Variants in GPC5 observed in about 807,000 individuals in gnomAD.
GPC5 encodes the protein glypican-5.
A neutral mutation model predicts 53.9 loss-of-function variants in GPC5; 47 were observed. The ratio of observed to expected loss-of-function variants is 0.87; its 90% confidence interval spans 0.69 to 1.11. The LOEUF (loss-of-function observed/expected upper bound fraction) is 1.11. Ranked by LOEUF, GPC5 falls within the 50% of genes most tolerant of loss-of-function variation. GPC5 has a pLI of 0.00. For missense variants in GPC5, 748 were observed against 713.1 expected (o/e 1.05, Z -0.56); for synonymous variants, 286 against 263.3 (o/e 1.09, Z -0.84).
intron 2 of GPC5, among the ~76,000 whole-genome samples, chr13:91,548,295 A>G (rs2030417250): frequency 6.6e-6 from 1 of 152,172 alleles, no homozygotes; most frequent in South Asian, 2.1e-4. Context: ...AACATACAAA[A>G]CTTAATTGCT....
chr13:91,399,392 T>G (rs1876749960), intron 1 of GPC5, among the ~76,000 whole-genome samples, 183 bp downstream of exon 1: 1 of 152,128 alleles, frequency 6.6e-6, no homozygotes, highest in Non-Finnish European at 1.5e-5. Flanking sequence ...GCAGCGCAGC[T>G]CTGGGGACCC....
chr13:92,853,977 G>A (rs1457413662), intron 7 of GPC5, among the ~76,000 whole-genome samples: 2 of 148,460 alleles, frequency 1.3e-5, no homozygotes, highest in Admixed American at 6.8e-5. Context: ...CTTCTTTTAA[G>A]ACCATAGATG....
intron 7 of GPC5, among the ~76,000 whole-genome samples, chr13:92,834,598 CAA>C (rs1445197516): frequency 3.9e-5 from 6 of 152,246 alleles, no homozygotes; most frequent in East Asian, 1.9e-4. Flanking sequence ...CACAGGTTGA[CAA>C]AGAGTGTGGC....
chr13:92,419,329 G>GCAAGT (rs1345753754), intron 7 of GPC5, among the ~76,000 whole-genome samples: 1 of 152,040 alleles, frequency 6.6e-6, no homozygotes, highest in African/African-American at 2.4e-5. Flanking sequence ...TCTGGTCATA[G>GCAAGT]CAAGTGATTT....
chr13:91,607,072 TG>T (rs1418789014), intron 2 of GPC5, among the ~76,000 whole-genome samples: 2 of 152,196 alleles, frequency 1.3e-5, no homozygotes, highest in Non-Finnish European at 1.5e-5. Context: ...GGATCTTTCC[TG>T]CTTTCTCTTG....
intron 6 of GPC5, among the ~76,000 whole-genome samples, chr13:92,048,277 T>TTATG (rs4031451): frequency 0.44 from 66,467 of 150,914 alleles, 14,963 homozygotes; most frequent in Admixed American, 0.52. Flanking sequence ...GTAACATATA[T>TTATG]TATATGTAAT....
At chr13:92,279,122 C>A (rs536083705) in intron 7 of GPC5, among the ~76,000 whole-genome samples, 1 of 152,074 alleles carries the variant, frequency 6.6e-6, no homozygotes, top group African/African-American at 2.4e-5. Flanking sequence ...AAGTTTTGTT[C>A]TATTAACAAT....
chr13:92,839,814 T>C (rs182738296), intron 7 of GPC5, among the ~76,000 whole-genome samples: 224 of 152,050 alleles, frequency 1.5e-3, no homozygotes, highest in African/African-American at 5.2e-3. Context: ...ATTACCAATG[T>C]ATTCCTTTTT....
chr13:92,380,067 G>A (rs759551917), intron 7 of GPC5, among the ~76,000 whole-genome samples: 1 of 152,158 alleles, frequency 6.6e-6, no homozygotes, highest in African/African-American at 2.4e-5. Context: ...TATCGTGCAG[G>A]CTGCTTTGAT....
intron 7 of GPC5, among the ~76,000 whole-genome samples, chr13:92,860,786 T>C (rs1477354041): frequency 6.6e-6 from 1 of 152,174 alleles, no homozygotes; most frequent in Non-Finnish European, 1.5e-5. Context: ...TGTAAAATTC[T>C]AATTCACATC....
intron 2 of GPC5, among the ~76,000 whole-genome samples, chr13:91,590,385 T>C (rs1205693581): frequency 2.0e-5 from 3 of 152,126 alleles, no homozygotes; most frequent in Non-Finnish European, 4.4e-5. Flanking sequence ...TATTTGTTAA[T>C]AATTTAGCAA....
At chr13:91,647,076 TGTGTG>T (rs2034577018) in intron 2 of GPC5, among the ~76,000 whole-genome samples, 1 of 63,406 alleles carries the variant, frequency 1.6e-5, no homozygotes, top group African/African-American at 1.8e-4. Flanking sequence ...TATGCGTGTG[TGTGTG>T]TGTGTGTGTG....
chr13:91,791,183 T>C (rs888051342), intron 5 of GPC5, among the ~76,000 whole-genome samples: 1 of 152,106 alleles, frequency 6.6e-6, no homozygotes, highest in South Asian at 2.1e-4. Flanking sequence ...TCTCTGACAC[T>C]AGAACTGGTG....
At chr13:92,026,494 A>T (rs2040802055) in intron 6 of GPC5, among the ~76,000 whole-genome samples, 1 of 151,054 alleles carries the variant, frequency 6.6e-6, no homozygotes, top group Non-Finnish European at 1.5e-5. Flanking sequence ...GGCCAAGAAG[A>T]TATTTAATTG....
intron 7 of GPC5, among the ~76,000 whole-genome samples, chr13:92,290,719 C>T (rs60558721): frequency 0.021 from 3,165 of 152,266 alleles, 113 homozygotes; most frequent in African/African-American, 0.073. Flanking sequence ...GAGGTGACAG[C>T]GTGCTGGCAG....
chr13:91,796,282 T>G (rs2038045091), intron 5 of GPC5, among the ~76,000 whole-genome samples: 1 of 152,158 alleles, frequency 6.6e-6, no homozygotes, highest in African/African-American at 2.4e-5. Flanking sequence ...GGAGCAGCAG[T>G]GGGCGCCTTG....
At chr13:92,663,238 A>C (rs116308241) in intron 7 of GPC5, among the ~76,000 whole-genome samples, 1 of 152,250 alleles carries the variant, frequency 6.6e-6, no homozygotes, top group African/African-American at 2.4e-5. Context: ...AACTAGTTAT[A>C]ACAAATAGTG....
intron 7 of GPC5, among the ~76,000 whole-genome samples, chr13:92,819,894 G>A (rs936581481): frequency 2.6e-5 from 4 of 151,930 alleles, no homozygotes; most frequent in Admixed American, 2.6e-4. Flanking sequence ...TTTCTTGTTA[G>A]GAAAAAAAAT....
chr13:92,235,423 T>A (rs1172743740), intron 7 of GPC5, among the ~76,000 whole-genome samples: 1 of 152,158 alleles, frequency 6.6e-6, no homozygotes, highest in African/African-American at 2.4e-5. Context: ...TTGTTGTTCA[T>A]GAGAAAATTG....
Sources: gnomAD v4.1 joint callset for allele counts (sites outside exome capture counted in the v4.1 genomes callset) on GRCh38, gnomAD v4.1.1 for gene constraint, MANE v1.5 for transcripts, NCBI Gene and HGNC (gene_info 2026-07-23, HGNC 2026-07-21) for gene names.